EEFSEC: variants seen among roughly 807,000 people sequenced by gnomAD.
The protein encoded by EEFSEC is selenocysteine-specific elongation factor.
A neutral mutation model predicts 42.1 loss-of-function variants in EEFSEC; 43 were observed. The ratio of observed to expected loss-of-function variants is 1.02; its 90% CI spans 0.80 to 1.32. The LOEUF (loss-of-function observed/expected upper bound fraction) is 1.32. EEFSEC is among the 40% of genes most tolerant of loss of function. The probability of loss-of-function intolerance (pLI) is 0.00; values close to 1 mark genes in which losing one functional copy is unlikely to be tolerated. For missense variants in EEFSEC, 745 were observed against 803.6 expected (o/e 0.93, Z 0.88); for synonymous variants, 354 against 339.1 (o/e 1.04, Z -0.48).
chr3:128,154,174 C>G (rs776057197), intron 1 of EEFSEC, among the ~76,000 whole-genome samples: 4 of 151,506 alleles, frequency 2.6e-5, no homozygotes, highest in Non-Finnish European at 5.9e-5. Flanking sequence ...GGTATACATA[C>G]AAAGGCTGTC....
intron 1 of EEFSEC, among the ~76,000 whole-genome samples, chr3:128,189,119 C>G (rs1248856896): frequency 6.6e-6 from 1 of 152,188 alleles, no homozygotes; most frequent in Non-Finnish European, 1.5e-5. Flanking sequence ...GACACTGAAT[C>G]ATCTGCTGAG....
chr3:128,224,758 C>A (rs2065892522), intron 1 of EEFSEC, among the ~76,000 whole-genome samples: 1 of 152,170 alleles, frequency 6.6e-6, no homozygotes, highest in South Asian at 2.1e-4. Context: ...AATAACTATT[C>A]TTTGGTATCC....
At chr3:128,378,399 A>G (rs2067734514) in intron 6 of EEFSEC, among the ~76,000 whole-genome samples, 1 of 152,160 alleles carries the variant, frequency 6.6e-6, no homozygotes, top group African/African-American at 2.4e-5. Flanking sequence ...AAGAAGAGTC[A>G]GTCTTTGATC....
intron 4 of EEFSEC, among the ~76,000 whole-genome samples, chr3:128,327,453 A>T (rs552869494): frequency 2.0e-5 from 3 of 152,276 alleles, no homozygotes; most frequent in South Asian, 4.1e-4. Flanking sequence ...TACTTTATAC[A>T]TCTGTCTCCC....
chr3:128,403,853 C>A (rs1194657883), intron 6 of EEFSEC, among the ~76,000 whole-genome samples: 1 of 152,378 alleles, frequency 6.6e-6, no homozygotes, highest in Admixed American at 6.5e-5. Context: ...CACACAGTGA[C>A]TGCGGTGCTG....
At chr3:128,363,694 A>G (rs1220610112) in intron 6 of EEFSEC, among the ~76,000 whole-genome samples, 1 of 152,210 alleles carries the variant, frequency 6.6e-6, no homozygotes. Context: ...AATTATGCCC[A>G]TCAGTGTGCC....
chr3:128,259,137 C>A (rs1321375405), intron 2 of EEFSEC, among the ~76,000 whole-genome samples: 1 of 152,148 alleles, frequency 6.6e-6, no homozygotes, highest in Non-Finnish European at 1.5e-5. Context: ...ATTGCTTGTA[C>A]CATTGGTGCT....
chr3:128,332,457 A>T (rs909737873), intron 4 of EEFSEC, among the ~76,000 whole-genome samples: 1 of 152,170 alleles, frequency 6.6e-6, no homozygotes, highest in East Asian at 1.9e-4. Context: ...TCCATTGAGT[A>T]TTTTTTATTT....
intron 4 of EEFSEC, among the ~76,000 whole-genome samples, chr3:128,306,470 G>C (rs2066828598): frequency 6.6e-6 from 1 of 152,188 alleles, no homozygotes; most frequent in South Asian, 2.1e-4. Flanking sequence ...TAGAATTCAG[G>C]CTTGTTAGAT....
chr3:128,199,170 A>G lies in EEFSEC; in HGVS notation c.316+45347A>G, dbSNP rs576561534. Among the ~76,000 whole-genome samples the G allele has an allele frequency of 5.3e-5, 8 of 152,168 alleles. 1 individual carries two copies. In the South Asian group the frequency reaches 1.7e-3, roughly 32 times the overall value. ...TTTCAAGTGTGTGCATTTTTTGTGC[A>G]TTTTTACATGTCAACACACCCTGTT... is the stretch of plus-strand genomic sequence containing the variant. On this transcript the variant is annotated intron_variant, in intron 1 of 6. Transcript: ENST00000254730.
At chr3:128,289,261 T>C (rs2066618221) in intron 4 of EEFSEC, among the ~76,000 whole-genome samples, 1 of 152,138 alleles carries the variant, frequency 6.6e-6, no homozygotes. Flanking sequence ...GGTTCCCCAC[T>C]CCCGCTTTAT....
chr3:128,302,345 T>C (rs1439957335), intron 4 of EEFSEC, among the ~76,000 whole-genome samples: 2 of 152,134 alleles, frequency 1.3e-5, no homozygotes, highest in African/African-American at 2.4e-5. Context: ...CATGGCCATA[T>C]TAATAAAGGA....
At chr3:128,171,266 T>C (rs2065292911) in intron 1 of EEFSEC, among the ~76,000 whole-genome samples, 1 of 152,248 alleles carries the variant, frequency 6.6e-6, no homozygotes, top group Admixed American at 6.5e-5. Flanking sequence ...TGCCTTTAAG[T>C]GTCTGATCCC....
intron 1 of EEFSEC, among the ~76,000 whole-genome samples, chr3:128,165,518 G>A (rs953155646): frequency 6.6e-6 from 1 of 152,148 alleles, no homozygotes; most frequent in Non-Finnish European, 1.5e-5. Flanking sequence ...TAGTTAATGT[G>A]GGTGATCCTC....
chr3:128,384,375 A>G (rs2067812898), intron 6 of EEFSEC, among the ~76,000 whole-genome samples: 1 of 152,226 alleles, frequency 6.6e-6, no homozygotes, highest in Non-Finnish European at 1.5e-5. Context: ...TTGTGAGTGG[A>G]CTGGTTCAGA....
At chr3:128,299,325 G>T (rs141214628) in intron 4 of EEFSEC, among the ~76,000 whole-genome samples, 3 of 152,200 alleles carry the variant, frequency 2.0e-5, no homozygotes, top group Admixed American at 2.0e-4. Flanking sequence ...GATTCGTAAA[G>T]TTGAGCATTT....
At chr3:128,216,316 C>T (rs2999089) in intron 1 of EEFSEC, among the ~76,000 whole-genome samples, 3 of 152,254 alleles carry the variant, frequency 2.0e-5, no homozygotes, top group South Asian at 4.1e-4. Context: ...TTTTCCACTG[C>T]GGGGTGGTTT....
chr3:128,408,299 A>T lies in EEFSEC; in HGVS notation c.*40A>T, dbSNP rs1181274877. On this transcript the variant is annotated 3_prime_UTR_variant, in exon 7 of 7. Transcript: ENST00000254730. ...CCCCCAGGGCCTCCTTGCCCAGCCC[A>T]GTCCAGGCTGCTGTGCCAAATCCCA... The T allele has an allele frequency of 6.6e-7, 1 of 1,503,858 alleles. No individual in the cohort carries two copies. Among genetic ancestry groups the T allele is most frequent in the Non-Finnish European group, 8.9e-7 (1 of 1,120,784 alleles). 93.2% of individuals were successfully genotyped at this position (1,503,858 alleles called of 1,614,324 possible). A position where few individuals can be genotyped will look rare whatever the true frequency, so the allele number is the denominator to read the frequency against.
In EEFSEC at chr3:128,292,883, A is replaced by C. The variant is rs140721913; in HGVS notation, c.786+28102A>C. Reference sequence around the variant, plus strand: ...TCTTTAGCTTCTAAGATGAAAGCTGAGATCCTTAATTATCAACCTTCTTTT... The same window carrying C: ...TCTTTAGCTTCTAAGATGAAAGCTGCGATCCTTAATTATCAACCTTCTTTT... On this transcript the variant is annotated intron_variant, in intron 4 of 6. Transcript: ENST00000254730. 6.4e-3 allele frequency among the ~76,000 whole-genome samples: 979 copies of C among 152,180 alleles called. 9 individuals carry two copies. Among genetic ancestry groups the C allele is most frequent in the African/African-American group, 0.022 (918 of 41,568 alleles).
Sources: gnomAD v4.1 joint callset for allele counts (sites outside exome capture counted in the v4.1 genomes callset) on GRCh38, gnomAD v4.1.1 for gene constraint, MANE v1.5 for transcripts, NCBI Gene and HGNC (gene_info 2026-07-23, HGNC 2026-07-21) for gene names.